Variants in MARCHF5 observed in about 807,000 individuals in gnomAD.
MARCHF5 encodes E3 ubiquitin-protein ligase MARCHF5.
In MARCHF5, 5 loss-of-function variants were observed where a neutral mutation model predicts 36.5. That is an observed-to-expected ratio of 0.14 (90% CI 0.07 to 0.29). The LOEUF (loss-of-function observed/expected upper bound fraction) is 0.29, where lower values mean the gene tolerates loss of function less well. Among genes scored for constraint, MARCHF5 ranks in the 10% least tolerant of loss-of-function variants. MARCHF5 has a pLI of 1.00. For synonymous variants in MARCHF5, 103 were observed against 109.9 expected (o/e 0.94, Z 0.39); for missense variants, 179 against 336.3 (o/e 0.53, Z 3.66).
At chr10:92,318,792 G>A (rs1843248798) in intron 2 of MARCHF5, among the ~76,000 whole-genome samples, 1 of 152,024 alleles carries the variant, frequency 6.6e-6, no homozygotes, top group South Asian at 2.1e-4. Context: ...TCTGCCTACT[G>A]CAGAGGTTGG....
chr10:92,353,760 GTTAAC>G lies in MARCHF5; in HGVS notation c.*2557_*2561del, dbSNP rs546059393. ...ACGACTACTAGAATTCTTTTCAAAA[GTTAAC>G]TTATCTCCAAAGTGGCTGAAAATAT... On this transcript the variant is annotated 3_prime_UTR_variant, in exon 6 of 6. Coordinates refer to ENST00000358935, the MANE Select transcript of MARCHF5 (RefSeq NM_017824.5). 2.0e-5 allele frequency: 3 copies of G among 148,680 alleles called. No homozygotes were observed. The highest frequency in any genetic ancestry group is 6.8e-5 in the Admixed American group (1 of 14,712). The allele number at this position is 148,680 out of a possible 1,614,324, so 9.2% of individuals were successfully genotyped here. A position where few individuals can be genotyped will look rare whatever the true frequency, so the allele number is the denominator to read the frequency against.
intron 2 of MARCHF5, among the ~76,000 whole-genome samples, chr10:92,314,632 ACT>A (rs1340938424): frequency 2.0e-5 from 3 of 151,692 alleles, no homozygotes; most frequent in Non-Finnish European, 2.9e-5. Flanking sequence ...ACAGAGCAAG[ACT>A]CTGTCTCAAA....
At position 92,295,414 on chromosome 10, in the gene MARCHF5, AT is replaced by A. The variant is rs1055134691; in HGVS notation, c.35+3896del. On this transcript the variant is annotated intron_variant, in intron 1 of 5. Coordinates refer to ENST00000358935, the MANE Select transcript of MARCHF5 (RefSeq NM_017824.5). ...TTATTTATTTATTTATTTATTTTTTATTTTTTTTTTTGAGACAGAGTCTCGC... is the reference window on the plus strand; with the variant it reads ...TTATTTATTTATTTATTTATTTTTTATTTTTTTTTTGAGACAGAGTCTCGC... Among the ~76,000 whole-genome samples, 401 of 107,582 alleles carry A rather than the reference AT, an allele frequency of 3.7e-3. 10 individuals carry two copies. The highest frequency in any genetic ancestry group is 0.014 in the East Asian group (54 of 3,914). The allele number at this position is 107,582 out of a possible 152,430, so 70.6% of individuals were successfully genotyped here. A position where few individuals can be genotyped will look rare whatever the true frequency, so the allele number is the denominator to read the frequency against.
intron 2 of MARCHF5, among the ~76,000 whole-genome samples, chr10:92,326,591 C>G (rs1249904752): frequency 6.6e-6 from 1 of 152,028 alleles, no homozygotes; most frequent in Non-Finnish European, 1.5e-5. Context: ...GTGTAAGTAA[C>G]AAAAATTTTA....
At chr10:92,333,075 G>T (rs1447473821) in intron 2 of MARCHF5, among the ~76,000 whole-genome samples, 1 of 151,196 alleles carries the variant, frequency 6.6e-6, no homozygotes. Context: ...CAGGAGAATC[G>T]CTTGAACCTG....
At chr10:92,336,852 G>A (rs1447561612) in intron 2 of MARCHF5, among the ~76,000 whole-genome samples, 1 of 152,236 alleles carries the variant, frequency 6.6e-6, no homozygotes, top group Non-Finnish European at 1.5e-5. Flanking sequence ...GATTGGCCCA[G>A]TGGCTCACTG....
chr10:92,313,604 TA>T (rs372706890), intron 2 of MARCHF5, among the ~76,000 whole-genome samples: 43 of 142,868 alleles, frequency 3.0e-4, no homozygotes, highest in Non-Finnish European at 3.8e-4. Context: ...GACGCCGTGC[TA>T]AAAAAAAAAA....
At chr10:92,336,498 T>C (rs760564303) in intron 2 of MARCHF5, among the ~76,000 whole-genome samples, 2 of 152,206 alleles carry the variant, frequency 1.3e-5, no homozygotes, top group African/African-American at 2.4e-5. Flanking sequence ...CCAACCTCTG[T>C]TACAGTAAGT....
At chr10:92,302,502 T>C (rs1843027958) in intron 1 of MARCHF5, among the ~76,000 whole-genome samples, 1 of 151,306 alleles carries the variant, frequency 6.6e-6, no homozygotes, top group Admixed American at 6.6e-5. Flanking sequence ...TGGAGTGCAA[T>C]GGCACGATCT....
chr10:92,299,362 T>C (rs1842986048), intron 1 of MARCHF5, among the ~76,000 whole-genome samples: 1 of 152,190 alleles, frequency 6.6e-6, no homozygotes, highest in Non-Finnish European at 1.5e-5. Context: ...TTTGATCTGT[T>C]ACTATAATCC....
At chr10:92,302,500 A>G (rs989965794) in intron 1 of MARCHF5, among the ~76,000 whole-genome samples, 6 of 149,726 alleles carry the variant, frequency 4.0e-5, no homozygotes, top group Non-Finnish European at 5.9e-5. Flanking sequence ...GCTGGAGTGC[A>G]ATGGCACGAT....
Position 92,351,189 on chromosome 10 carries a change from A to G in MARCHF5, c.819A>G (p.Pro273=). 1 of 1,607,576 alleles carries G rather than the reference A, an allele frequency of 6.2e-7. No individual in the cohort carries two copies. Among genetic ancestry groups the G allele is most frequent in the Non-Finnish European group, 8.5e-7 (1 of 1,174,964 alleles). ...CACACCGCAAAATTCTGAATTATCC[A>G]GAACAAGAAGAAGCATAAAACTGAC... ...RQAHRKILNY[P]EQEEA Residue 273 remains proline (P), a synonymous_variant, in exon 6 of 6, where the codon CCA becomes CCG. Transcript: ENST00000358935.
At chr10:92,314,604 T>G (rs1359739120) in intron 2 of MARCHF5, among the ~76,000 whole-genome samples, 1 of 151,976 alleles carries the variant, frequency 6.6e-6, no homozygotes, top group Non-Finnish European at 1.5e-5. Flanking sequence ...CTCACACCAT[T>G]GCACTCCAGC....
intron 2 of MARCHF5, among the ~76,000 whole-genome samples, chr10:92,334,177 G>A (rs894057291): frequency 4.6e-5 from 7 of 152,202 alleles, no homozygotes; most frequent in Non-Finnish European, 1.0e-4. Context: ...GCTATAGAGC[G>A]AGACTCTGTC....
At chr10:92,298,854 CA>C (rs1842978350) in intron 1 of MARCHF5, among the ~76,000 whole-genome samples, 1 of 152,142 alleles carries the variant, frequency 6.6e-6, no homozygotes, top group Non-Finnish European at 1.5e-5. Flanking sequence ...TGAAGCTAGC[CA>C]AAACATAAGT....
At position 92,351,448 on chromosome 10, in the gene MARCHF5, T is replaced by C. The variant is rs895783742; in HGVS notation, c.*241T>C. The C allele has an allele frequency of 6.6e-6, 2 of 305,100 alleles. No homozygotes were observed. Among genetic ancestry groups the C allele is most frequent in the African/African-American group, 4.3e-5 (2 of 46,132 alleles). The allele number at this position is 305,100 out of a possible 1,614,324, so 18.9% of individuals were successfully genotyped here. On this transcript the variant is annotated 3_prime_UTR_variant, in exon 6 of 6. Coordinates refer to ENST00000358935, the MANE Select transcript of MARCHF5 (RefSeq NM_017824.5). ...ATGGCAGTCATATGAACCATTATCT[T>C]AGCATGGTAAACCTGGGTTTTGTTC...
intron 2 of MARCHF5, among the ~76,000 whole-genome samples, chr10:92,316,793 A>G (rs1044151058): frequency 1.6e-4 from 24 of 151,872 alleles, no homozygotes; most frequent in Admixed American, 1.2e-3. Context: ...CCTGGCCTCA[A>G]GGGATCCCCC....
intron 2 of MARCHF5, among the ~76,000 whole-genome samples, chr10:92,324,188 T>C (rs1188572762): frequency 1.3e-5 from 2 of 152,364 alleles, no homozygotes; most frequent in Admixed American, 1.3e-4. Context: ...TATATCTTCT[T>C]TGATGAGGTG....
intron 2 of MARCHF5, among the ~76,000 whole-genome samples, chr10:92,313,460 C>G (rs184930656): frequency 6.6e-6 from 1 of 151,794 alleles, no homozygotes; most frequent in Non-Finnish European, 1.5e-5. Context: ...AAAAAATTAG[C>G]CAGCCTTGGT....
Sources: gnomAD v4.1 joint callset for allele counts (sites outside exome capture counted in the v4.1 genomes callset) on GRCh38, gnomAD v4.1.1 for gene constraint, MANE v1.5 for transcripts, NCBI Gene and HGNC (gene_info 2026-07-23, HGNC 2026-07-21) for gene names.